The following RPH3A variants were observed in gnomAD, a reference collection of about 807,000 sequenced individuals.
RPH3A encodes rabphilin 3A.
A neutral mutation model predicts 102.2 loss-of-function variants in RPH3A; 48 were observed. The ratio of observed to expected loss-of-function variants is 0.47; its 90% CI spans 0.37 to 0.60. RPH3A has a LOEUF of 0.60. Among genes scored for constraint, RPH3A ranks in the 20% least tolerant of loss-of-function variants. The pLI is 0.00. For synonymous variants in RPH3A, 310 were observed against 324.3 expected (o/e 0.96, Z 0.47); for missense variants, 781 against 910.1 (o/e 0.86, Z 1.83).
intron 5 of RPH3A, among the ~76,000 whole-genome samples, chr12:112,848,285 G>A (rs144769738): frequency 6.6e-6 from 1 of 152,158 alleles, no homozygotes. Flanking sequence ...TGAGGGCAAG[G>A]TTAGGAGGAC....
chr12:112,654,525 G>A (rs541169657), intron 1 of RPH3A, among the ~76,000 whole-genome samples: 22 of 151,984 alleles, frequency 1.4e-4, no homozygotes, highest in African/African-American at 5.1e-4. Context: ...GTTGTTTGCC[G>A]TCTCAACCAG....
At chr12:112,798,059 A>T (rs943235152) in intron 2 of RPH3A, among the ~76,000 whole-genome samples, 6 of 152,168 alleles carry the variant, frequency 3.9e-5, no homozygotes, top group Admixed American at 2.0e-4. Flanking sequence ...AGCAGTGCTG[A>T]GGGCCCAGGC....
intron 5 of RPH3A, among the ~76,000 whole-genome samples, chr12:112,863,324 T>C (rs1026383060): frequency 1.3e-5 from 2 of 152,160 alleles, no homozygotes; most frequent in Non-Finnish European, 2.9e-5. Context: ...GGGGTTTTGT[T>C]GTTGTTTTTT....
chr12:112,881,486 A>G (rs2042910631), intron 14 of RPH3A, among the ~76,000 whole-genome samples: 1 of 152,200 alleles, frequency 6.6e-6, no homozygotes, highest in African/African-American at 2.4e-5. Flanking sequence ...TGAAGCGGGT[A>G]CTGTTCTTAT....
At chr12:112,644,735 C>G (rs1478782020) in intron 1 of RPH3A, among the ~76,000 whole-genome samples, 1 of 152,220 alleles carries the variant, frequency 6.6e-6, no homozygotes, top group Non-Finnish European at 1.5e-5. Flanking sequence ...CCTTACTCAT[C>G]CTCATCTTTA....
intron 2 of RPH3A, among the ~76,000 whole-genome samples, chr12:112,792,563 A>T (rs192609649): frequency 8.5e-5 from 13 of 152,330 alleles, no homozygotes; most frequent in Admixed American, 7.8e-4. Context: ...AGCTGGTGAA[A>T]GTAGCCGGCA....
intron 19 of RPH3A, chr12:112,893,586 G>A (rs2043133671): frequency 6.6e-6 from 1 of 152,224 alleles, no homozygotes; most frequent in Admixed American, 6.5e-5. Flanking sequence ...GTAGTGCAGT[G>A]GTGTGATCAT....
intron 1 of RPH3A, among the ~76,000 whole-genome samples, chr12:112,667,671 AGAGAGAGAG>A (rs1433837904): frequency 2.4e-5 from 1 of 41,898 alleles, no homozygotes; most frequent in Non-Finnish European, 3.8e-5. Flanking sequence ...AAAGAGAGAG[AGAGAGAGAG>A]AGAGAGAGAG....
In RPH3A at chr12:112,894,558, C is replaced by T; in HGVS notation, c.1776-20C>T. The T allele has an allele frequency of 6.2e-7, 1 of 1,611,376 alleles. No homozygotes were observed. Among genetic ancestry groups the T allele is most frequent in the Non-Finnish European group, 8.5e-7 (1 of 1,178,068 alleles). On this transcript the variant is annotated intron_variant, in intron 19 of 21. Transcript: ENST00000389385. Reference sequence around the variant, plus strand: ...ATTCATTAAACGTCATCCATAATAGCATGTTGTGTCGCCTCCCAGCTGGCT... The same window carrying T: ...ATTCATTAAACGTCATCCATAATAGTATGTTGTGTCGCCTCCCAGCTGGCT...
chr12:112,871,581 A>T (rs901073246), intron 10 of RPH3A, among the ~76,000 whole-genome samples: 2 of 152,144 alleles, frequency 1.3e-5, no homozygotes, highest in Non-Finnish European at 2.9e-5. Flanking sequence ...GTGAAAAACC[A>T]GACCTTGACG....
chr12:112,739,030 C>T (rs2040688805), intron 1 of RPH3A, among the ~76,000 whole-genome samples: 1 of 152,048 alleles, frequency 6.6e-6, no homozygotes, highest in Non-Finnish European at 1.5e-5. Context: ...GTATTCCTTC[C>T]CAGGGAGCAG....
Position 112,879,098 on chromosome 12 carries a change from T to C in RPH3A, c.1172-21T>C, listed in dbSNP as rs753010177. 31 of 1,597,618 alleles carry C rather than the reference T, an allele frequency of 1.9e-5. No homozygotes were observed. The East Asian group carries it at 2.5e-4, about 13-fold the overall frequency. ...GTGACTGAATATTCGTTATCTTGGT[T>C]CCTGTCTCTGCCCCCTTCAGCCACC... is the stretch of plus-strand genomic sequence containing the variant. On this transcript the variant is annotated intron_variant, in intron 13 of 21. Coordinates refer to ENST00000389385, the MANE Select transcript of RPH3A (RefSeq NM_001143854.2).
At chr12:112,618,022 T>C (rs536423788) in intron 1 of RPH3A, among the ~76,000 whole-genome samples, 19 of 152,354 alleles carry the variant, frequency 1.2e-4, no homozygotes, top group African/African-American at 4.6e-4. Flanking sequence ...TTTCTACATT[T>C]ATGTATACAC....
At chr12:112,637,693 G>A (rs1336229561) in intron 1 of RPH3A, among the ~76,000 whole-genome samples, 1 of 152,082 alleles carries the variant, frequency 6.6e-6, no homozygotes. Flanking sequence ...CCCATAGCCA[G>A]GCCCCTTTCC....
chr12:112,683,202 C>T (rs906997521), intron 1 of RPH3A, among the ~76,000 whole-genome samples: 1 of 152,050 alleles, frequency 6.6e-6, no homozygotes, highest in African/African-American at 2.4e-5. Context: ...TGGGATCTGA[C>T]ATTTGGGAGA....
intron 1 of RPH3A, among the ~76,000 whole-genome samples, chr12:112,737,438 A>G (rs764923936): frequency 6.6e-6 from 1 of 152,194 alleles, no homozygotes; most frequent in African/African-American, 2.4e-5. Flanking sequence ...CTATGAGTCT[A>G]TCACCATCAT....
At chr12:112,749,339 G>C (rs920131673) in intron 1 of RPH3A, among the ~76,000 whole-genome samples, 1 of 152,168 alleles carries the variant, frequency 6.6e-6, no homozygotes, top group African/African-American at 2.4e-5. Flanking sequence ...CCAGGAGTCA[G>C]GGTGTGGGGT....
chr12:112,796,429 G>A (rs958807453), intron 2 of RPH3A, among the ~76,000 whole-genome samples: 2 of 152,168 alleles, frequency 1.3e-5, no homozygotes, highest in African/African-American at 2.4e-5. Flanking sequence ...TCTGGTGTCC[G>A]GGTCAGCACC....
intron 3 of RPH3A, among the ~76,000 whole-genome samples, chr12:112,833,275 T>C (rs922959456): frequency 3.3e-5 from 5 of 152,228 alleles, no homozygotes; most frequent in Non-Finnish European, 7.3e-5. Context: ...TCTTCCCAGC[T>C]CTTCGTTTAG....
Sources: gnomAD v4.1 joint callset for allele counts (sites outside exome capture counted in the v4.1 genomes callset) on GRCh38, gnomAD v4.1.1 for gene constraint, MANE v1.5 for transcripts, NCBI Gene and HGNC (gene_info 2026-07-23, HGNC 2026-07-21) for gene names.